TRPC4: variants seen among roughly 807,000 people sequenced by gnomAD.
TRPC4 encodes transient receptor potential cation channel subfamily C member 4.
A neutral mutation model predicts 99.4 loss-of-function variants in TRPC4; 49 were observed. The observed-to-expected ratio is 0.49, with a 90% CI of 0.39 to 0.63. TRPC4 has a LOEUF of 0.63. TRPC4 is among the 20% of genes least tolerant of loss of function. TRPC4 has a pLI of 0.00. For missense variants in TRPC4, 898 were observed against 1,152.9 expected (o/e 0.78, Z 3.20); for synonymous variants, 454 against 425.9 (o/e 1.07, Z -0.81).
intron 5 of TRPC4, among the ~76,000 whole-genome samples, chr13:37,669,053 C>T (rs189048504): frequency 2.0e-5 from 3 of 151,974 alleles, no homozygotes; most frequent in Non-Finnish European, 4.4e-5. Context: ...AAACACTTGG[C>T]CCTTTTCTAG....
intron 3 of TRPC4, among the ~76,000 whole-genome samples, chr13:37,742,975 A>G (rs963787734): frequency 6.6e-6 from 1 of 152,172 alleles, no homozygotes; most frequent in African/African-American, 2.4e-5. Context: ...AAAATCTTCA[A>G]TCAGAGAAAA....
intron 1 of TRPC4, among the ~76,000 whole-genome samples, chr13:37,796,194 C>G (rs374691890): frequency 1.9e-4 from 29 of 152,202 alleles, no homozygotes; most frequent in African/African-American, 6.5e-4. Flanking sequence ...CTTCAGGCAC[C>G]TGTAACAAGA....
At chr13:37,770,216 C>T (rs61327726) in intron 2 of TRPC4, among the ~76,000 whole-genome samples, 15,129 of 151,358 alleles carry the variant, frequency 0.1, 1,105 homozygotes, top group African/African-American at 0.21. Flanking sequence ...TCAGGCCTGA[C>T]TCAAGGACTA....
chr13:37,677,720 C>T (rs1331419247), intron 4 of TRPC4, among the ~76,000 whole-genome samples: 1 of 152,116 alleles, frequency 6.6e-6, no homozygotes, highest in Non-Finnish European at 1.5e-5. Context: ...GTGGAGGTTT[C>T]AGCATTCCTC....
chr13:37,643,800 G>A (rs1315686611), intron 8 of TRPC4, among the ~76,000 whole-genome samples: 1 of 152,176 alleles, frequency 6.6e-6, no homozygotes, highest in Non-Finnish European at 1.5e-5. Flanking sequence ...TTCATTGATA[G>A]TCATTTAGCA....
At chr13:37,774,457 T>C (rs984992719) in intron 2 of TRPC4, among the ~76,000 whole-genome samples, 2 of 151,854 alleles carry the variant, frequency 1.3e-5, no homozygotes, top group African/African-American at 4.8e-5. Flanking sequence ...AGAACACTCT[T>C]TTTAGGTGCT....
chr13:37,694,621 A>AT (rs1211989350), intron 3 of TRPC4, among the ~76,000 whole-genome samples: 2 of 152,180 alleles, frequency 1.3e-5, no homozygotes, highest in African/African-American at 4.8e-5. Context: ...GTTAGCCATG[A>AT]TTTTTTATTT....
At chr13:37,730,382 A>G (rs1955205396) in intron 3 of TRPC4, among the ~76,000 whole-genome samples, 2 of 152,026 alleles carry the variant, frequency 1.3e-5, no homozygotes, top group Non-Finnish European at 2.9e-5. Flanking sequence ...TTATAATTAA[A>G]TTATTCAGTA....
chr13:37,746,000 T>C lies in TRPC4; in HGVS notation c.834A>G (p.Ile278Met). The change falls in exon 3 of 11, where the codon ATA (isoleucine) becomes ATG (methionine). Residue 278 changes from isoleucine to methionine, a missense_variant. Around this residue, in one of 3 missense-constraint regions of TRPC4, gnomAD observed 278 missense variants for 346.6 expected, o/e 0.80. Coordinates refer to ENST00000379705, the MANE Select transcript of TRPC4 (RefSeq NM_016179.4). The part of the protein sequence containing the change: ...ILNYRDDNSL[I>M]EEQSGNDLAR... ...CAAGATCATTTCCACTTTGTTCTTC[T>C]ATGAGACTATTGTCATCTCGGTAAT... The C allele has an allele frequency of 6.2e-7, 1 of 1,613,910 alleles. No homozygotes were observed. The highest frequency in any genetic ancestry group is 8.5e-7 in the Non-Finnish European group (1 of 1,179,840).
At chr13:37,724,144 T>A (rs1023287392) in intron 3 of TRPC4, among the ~76,000 whole-genome samples, 2 of 152,176 alleles carry the variant, frequency 1.3e-5, no homozygotes, top group African/African-American at 2.4e-5. Flanking sequence ...ATTGATATTT[T>A]AAAAATCTCT....
chr13:37,667,146 C>T lies in TRPC4; in HGVS notation c.1375-3417G>A, dbSNP rs573475202. On this transcript the variant is annotated intron_variant, in intron 5 of 10. Coordinates refer to ENST00000379705, the MANE Select transcript of TRPC4 (RefSeq NM_016179.4). ...TCCTAGAATCTTTTTGTCTAAAATC[C>T]CAGCATCTAAACCCAAATCTTATGT... Among the ~76,000 whole-genome samples the T allele has an allele frequency of 7.9e-5, 12 of 152,230 alleles. No individual in the cohort carries two copies. In the East Asian group the frequency reaches 1.7e-3, roughly 22 times the overall value.
intron 3 of TRPC4, among the ~76,000 whole-genome samples, chr13:37,717,915 GAAGACAGT>G (rs1461564830): frequency 6.6e-6 from 1 of 152,074 alleles, no homozygotes; most frequent in Admixed American, 6.6e-5. Flanking sequence ...GCAGATTCTG[GAAGACAGT>G]AAAAACTTGG....
At chr13:37,693,576 G>A (rs866962821) in intron 3 of TRPC4, among the ~76,000 whole-genome samples, 1 of 152,286 alleles carries the variant, frequency 6.6e-6, no homozygotes, top group African/African-American at 2.4e-5. Context: ...CTTGAAGCAA[G>A]ACTTTTTCCT....
intron 3 of TRPC4, among the ~76,000 whole-genome samples, chr13:37,700,311 G>A (rs1352997627): frequency 6.6e-6 from 1 of 152,186 alleles, no homozygotes; most frequent in East Asian, 1.9e-4. Context: ...AATGGTGGAT[G>A]GAAAGCAGTG....
chr13:37,811,081 C>T (rs1957672855), intron 1 of TRPC4, among the ~76,000 whole-genome samples: 1 of 152,012 alleles, frequency 6.6e-6, no homozygotes, highest in Admixed American at 6.6e-5. Context: ...ATTCTACTTA[C>T]ATTACTGTGA....
intron 6 of TRPC4, among the ~76,000 whole-genome samples, chr13:37,662,489 A>G (rs1195582886): frequency 6.6e-6 from 1 of 152,230 alleles, no homozygotes; most frequent in Non-Finnish European, 1.5e-5. Context: ...TAGACCAACA[A>G]GAGCATTTTA....
chr13:37,813,583 A>T (rs556876337), intron 1 of TRPC4, among the ~76,000 whole-genome samples: 4 of 151,880 alleles, frequency 2.6e-5, no homozygotes. Flanking sequence ...ATTAAAAAAC[A>T]TTAAAAGTGT....
chr13:37,837,166 G>C (rs1229973846), intron 1 of TRPC4, among the ~76,000 whole-genome samples: 1 of 152,252 alleles, frequency 6.6e-6, no homozygotes, highest in Non-Finnish European at 1.5e-5. Flanking sequence ...CCAGGCAGAA[G>C]TTTGTTACAG....
At chr13:37,852,071 G>T in intron 1 of TRPC4, among the ~76,000 whole-genome samples, 1 of 152,140 alleles carries the variant, frequency 6.6e-6, no homozygotes. Context: ...AGAATGCAAG[G>T]ACTACAATTC....
Sources: gnomAD v4.1 joint callset for allele counts (sites outside exome capture counted in the v4.1 genomes callset) on GRCh38, gnomAD v4.1.1 for gene constraint, gnomAD v4.1.1 regional missense constraint, MANE v1.5 for transcripts, NCBI Gene and HGNC (gene_info 2026-07-23, HGNC 2026-07-21) for gene names.